TTC6: variants seen among roughly 807,000 people sequenced by gnomAD.
The protein encoded by TTC6 is tetratricopeptide repeat domain 6, also known as tetratricopeptide repeat protein 6.
In TTC6, 172 loss-of-function variants were observed where a neutral mutation model predicts 210.4. The observed-to-expected ratio is 0.82, with a 90% CI of 0.72 to 0.93. The LOEUF is 0.93. Among genes scored for constraint, TTC6 ranks in the 40% least tolerant of loss-of-function variants. The pLI is 0.00. For missense variants in TTC6, 2,414 were observed against 2,318.1 expected (o/e 1.04, Z -0.85); for synonymous variants, 804 against 819.6 (o/e 0.98, Z 0.32).
At chr14:37,826,468 A>AT (rs1053534259) in intron 28 of TTC6, 121 bp downstream of exon 30, 610 of 921,526 alleles carry the variant, frequency 6.6e-4, no homozygotes, top group Middle Eastern at 1.0e-3. Context: ...AATGTTTTGT[A>AT]TTTTTTTTTA....
At chr14:37,815,016 A>T (rs1320753333) in intron 25 of TTC6, among the ~76,000 whole-genome samples, 2 of 152,190 alleles carry the variant, frequency 1.3e-5, no homozygotes, top group Non-Finnish European at 2.9e-5. Flanking sequence ...TGGCTAAGTT[A>T]ACCAGAAGTT....
chr14:37,669,209 C>A (rs1478191178), intron 1 of TTC6, among the ~76,000 whole-genome samples: 2 of 152,154 alleles, frequency 1.3e-5, no homozygotes, highest in African/African-American at 4.8e-5. Flanking sequence ...TGGCTGTGAG[C>A]AAAACCATGT....
At chr14:37,770,479 G>A (rs902953297) in intron 14 of TTC6, among the ~76,000 whole-genome samples, 7 of 151,476 alleles carry the variant, frequency 4.6e-5, no homozygotes, top group African/African-American at 1.7e-4. Context: ...TTATGAATCT[G>A]GGTGCTCCTG....
At chr14:37,796,715 T>G (rs2096093438) in intron 19 of TTC6, 72 bp from the exon 22 acceptor site, 1 of 1,354,406 alleles carries the variant, frequency 7.4e-7, no homozygotes, top group Non-Finnish European at 1.0e-6. Flanking sequence ...ATTGAATTAC[T>G]CCCTTAGAAT....
At chr14:37,701,463 T>C in exon 5 of TTC6, 1 of 1,525,890 alleles carries the variant, frequency 6.6e-7, no homozygotes, top group Non-Finnish European at 8.7e-7. Context: ...CACGATACCC[T>C]GCTTGGAAAA....
chr14:37,721,022 C>T (rs1164389786), intron 6 of TTC6, among the ~76,000 whole-genome samples: 1 of 150,340 alleles, frequency 6.7e-6, no homozygotes, highest in African/African-American at 2.5e-5. Flanking sequence ...TTAAAACTGC[C>T]TGTGAATCTA....
chr14:37,811,409 C>T (rs777709269), intron 24 of TTC6, among the ~76,000 whole-genome samples: 6 of 152,010 alleles, frequency 3.9e-5, no homozygotes, highest in Admixed American at 6.6e-5. Context: ...CACTTGAGCA[C>T]GCAACATTAG....
intron 29 of TTC6, chr14:37,827,812 C>A (rs1226965508): frequency 6.5e-6 from 1 of 153,994 alleles, no homozygotes; most frequent in East Asian, 1.9e-4. Context: ...ATATGAAATG[C>A]TTCATGAATT....
intron 22 of TTC6, 108 bp downstream of exon 24, chr14:37,806,618 C>A: frequency 1.9e-6 from 2 of 1,036,798 alleles, no homozygotes; most frequent in South Asian, 2.2e-5. Context: ...TTTCTTATAC[C>A]TACTTTTCAC....
exon 30 of TTC6, chr14:37,841,637 C>A (rs762609746): frequency 1.2e-6 from 2 of 1,603,798 alleles, no homozygotes; most frequent in East Asian, 4.5e-5. Flanking sequence ...CTGCTTAAAG[C>A]AATATGAACT....
chr14:37,710,561 A>G (rs1332987555), intron 5 of TTC6, among the ~76,000 whole-genome samples: 2 of 152,148 alleles, frequency 1.3e-5, no homozygotes, highest in East Asian at 3.9e-4. Context: ...TTGTAATATC[A>G]ATCACTTTCT....
chr14:37,693,600 AAAC>A (rs1456799728), intron 3 of TTC6, among the ~76,000 whole-genome samples: 1 of 151,354 alleles, frequency 6.6e-6, no homozygotes, highest in African/African-American at 2.4e-5. Context: ...ATACAAAACA[AAAC>A]AAACAAACAA....
intron 11 of TTC6, 147 bp from the exon 14 acceptor site, chr14:37,749,567 T>C: frequency 1.9e-6 from 2 of 1,026,952 alleles, no homozygotes; most frequent in South Asian, 6.8e-5. Context: ...ATTAAAAACA[T>C]GATTTTTGTT....
chr14:37,841,514 A>G lies in TTC6; in HGVS notation c.5368A>G (p.Ile1790Val), dbSNP rs146562137. 50 of 1,601,484 alleles carry G rather than the reference A, an allele frequency of 3.1e-5. No homozygotes were observed. The African/African-American group carries it at 5.1e-4, about 16-fold the overall frequency. Residue 1790 changes from isoleucine to valine, a missense_variant, in exon 30 of 31, where the codon ATT becomes GTT. Ile to Val is a conservative substitution (Grantham distance 29). Coordinates refer to ENST00000553443, the Ensembl canonical transcript of TTC6. ...TGAATATGTTCTCATGAATCGAGCT[A>G]TTACAAATACAATATTAAAGAAATA... is the stretch of plus-strand genomic sequence containing the variant.
chr14:37,599,577 C>T (rs982910340), intron 1 of TTC6, among the ~76,000 whole-genome samples: 46 of 152,340 alleles, frequency 3.0e-4, no homozygotes, highest in African/African-American at 9.6e-4. Flanking sequence ...GCTCCGGGCG[C>T]GGACCTAGCT....
intron 1 of TTC6, among the ~76,000 whole-genome samples, chr14:37,661,969 G>A (rs894138620): frequency 2.0e-5 from 3 of 152,116 alleles, no homozygotes; most frequent in African/African-American, 7.2e-5. Flanking sequence ...CTCTCCACTT[G>A]TGTGTTGTTG....
intron 6 of TTC6, among the ~76,000 whole-genome samples, chr14:37,721,847 C>CATAT (rs35265224): frequency 0.015 from 1,710 of 117,198 alleles, 39 homozygotes; most frequent in African/African-American, 0.041. Context: ...TGAGTTTCAC[C>CATAT]ATATATATAT....
exon 23 of TTC6, chr14:37,807,388 C>T (rs1347078042): frequency 1.3e-6 from 2 of 1,530,518 alleles, no homozygotes; most frequent in Non-Finnish European, 1.7e-6. Flanking sequence ...TGAATTGTAA[C>T]AAGGCTATTA....
chr14:37,690,494 C>T (rs1159001310), intron 3 of TTC6, among the ~76,000 whole-genome samples: 2 of 151,992 alleles, frequency 1.3e-5, no homozygotes, highest in East Asian at 3.9e-4. Context: ...TGCACTTCAT[C>T]TATAAAGACA....
Sources: allele counts gnomAD v4.1 joint callset (sites outside exome capture counted in the v4.1 genomes callset), GRCh38; gene constraint gnomAD v4.1.1; transcripts MANE v1.5; gene names NCBI Gene and HGNC (gene_info 2026-07-23, HGNC 2026-07-21).